AGTPBP1: variants seen among roughly 807,000 people sequenced by gnomAD.
The protein encoded by AGTPBP1 is cytosolic carboxypeptidase 1.
AGTPBP1 carries 70 observed loss-of-function variants against 143.9 expected under a neutral mutation model. The ratio of observed to expected loss-of-function variants is 0.49; its 90% CI spans 0.40 to 0.59. The LOEUF is 0.59. Ranked by LOEUF, AGTPBP1 falls within the 20% of genes least tolerant of loss-of-function variation. AGTPBP1 has a pLI of 0.00. For synonymous variants in AGTPBP1, 463 were observed against 500.2 expected (o/e 0.93, Z 0.99); for missense variants, 1,229 against 1,464.5 (o/e 0.84, Z 2.62).
intron 2 of AGTPBP1, among the ~76,000 whole-genome samples, chr9:85,699,130 A>T (rs971722870): frequency 6.6e-6 from 1 of 152,056 alleles, no homozygotes; most frequent in Non-Finnish European, 1.5e-5. Context: ...TCAAATGCAT[A>T]TTTTTTTAAA....
intron 2 of AGTPBP1, among the ~76,000 whole-genome samples, chr9:85,707,996 G>T (rs147415965): frequency 2.3e-4 from 35 of 152,014 alleles, no homozygotes; most frequent in Non-Finnish European, 3.8e-4. Flanking sequence ...AAACCACCAT[G>T]GCACGTGTAT....
intron 6 of AGTPBP1, among the ~76,000 whole-genome samples, chr9:85,674,335 AT>A (rs1834688714): frequency 6.6e-6 from 1 of 151,984 alleles, no homozygotes; most frequent in East Asian, 1.9e-4. Flanking sequence ...AATAGCCCAA[AT>A]TTAAAAGAAT....
At chr9:85,562,376 A>T (rs1190860427) in intron 25 of AGTPBP1, among the ~76,000 whole-genome samples, 1 of 152,214 alleles carries the variant, frequency 6.6e-6, no homozygotes, top group East Asian at 1.9e-4. Flanking sequence ...TAAAAGACAT[A>T]TTTAAATATA....
At chr9:85,641,221 A>G (rs548428132) in intron 13 of AGTPBP1, among the ~76,000 whole-genome samples, 1 of 152,304 alleles carries the variant, frequency 6.6e-6, no homozygotes, top group Non-Finnish European at 1.5e-5. Flanking sequence ...ATGTACAGAA[A>G]AAGTAGAAGG....
intron 1 of AGTPBP1, among the ~76,000 whole-genome samples, chr9:85,724,266 AAC>A (rs1838322220): frequency 1.3e-5 from 2 of 150,032 alleles, no homozygotes; most frequent in African/African-American, 4.9e-5. Flanking sequence ...CAGCCTGTGC[AAC>A]AGAGTGAGAC....
At chr9:85,779,749 A>G in the AGTPBP1 span, among the ~76,000 whole-genome samples, 1 of 152,104 alleles carries the variant, frequency 6.6e-6, no homozygotes, top group East Asian at 1.9e-4. Context: ...GGTCCCAGCT[A>G]CCCTGGAGGC....
the AGTPBP1 span, among the ~76,000 whole-genome samples, chr9:85,770,933 G>A: frequency 2.0e-5 from 3 of 152,098 alleles, no homozygotes; most frequent in South Asian, 4.1e-4. Flanking sequence ...TGAAGATGAA[G>A]TGGTGTATCA....
intron 3 of AGTPBP1, among the ~76,000 whole-genome samples, chr9:85,684,001 C>T (rs1835346316): frequency 1.3e-5 from 2 of 151,826 alleles, no homozygotes; most frequent in East Asian, 3.9e-4. Flanking sequence ...GAGTTCCCTG[C>T]TCCTACATCA....
chr9:85,626,069 A>T (rs774610121), intron 14 of AGTPBP1, among the ~76,000 whole-genome samples: 3 of 152,080 alleles, frequency 2.0e-5, no homozygotes, highest in Non-Finnish European at 4.4e-5. Context: ...AATGCTAAGC[A>T]TACTAAAATA....
At chr9:85,588,725 T>C (rs767422467) in intron 20 of AGTPBP1, among the ~76,000 whole-genome samples, 2 of 152,184 alleles carry the variant, frequency 1.3e-5, no homozygotes, top group Non-Finnish European at 2.9e-5. Context: ...GATCCACTTA[T>C]TCATTTCCCA....
chr9:85,702,787 A>C (rs1427704857), intron 2 of AGTPBP1, among the ~76,000 whole-genome samples: 1 of 152,094 alleles, frequency 6.6e-6, no homozygotes, highest in East Asian at 1.9e-4. Flanking sequence ...TTTCAAATTA[A>C]TTAGGCCTCA....
chr9:85,764,248 G>A, the AGTPBP1 span, among the ~76,000 whole-genome samples: 2 of 151,800 alleles, frequency 1.3e-5, no homozygotes, highest in African/African-American at 2.4e-5. Flanking sequence ...TGAACACCCC[G>A]GTCGGGTGGG....
chr9:85,623,510 T>C (rs1056285284), intron 14 of AGTPBP1, among the ~76,000 whole-genome samples: 1 of 152,032 alleles, frequency 6.6e-6, no homozygotes, highest in Admixed American at 6.6e-5. Flanking sequence ...ATCTCAGCAC[T>C]CTGGGAGGCC....
At chr9:85,699,342 T>C (rs1049977536) in intron 2 of AGTPBP1, among the ~76,000 whole-genome samples, 1 of 152,188 alleles carries the variant, frequency 6.6e-6, no homozygotes, top group Non-Finnish European at 1.5e-5. Context: ...ATTGGTCTCA[T>C]GCTGCTTTTG....
chr9:85,686,166 T>C (rs1835473508), intron 3 of AGTPBP1, among the ~76,000 whole-genome samples: 1 of 151,838 alleles, frequency 6.6e-6, no homozygotes, highest in African/African-American at 2.4e-5. Context: ...ACTGTCAAAC[T>C]GGATGTTTTT....
At chr9:85,659,223 T>G (rs1833712094) in intron 9 of AGTPBP1, among the ~76,000 whole-genome samples, 1 of 152,156 alleles carries the variant, frequency 6.6e-6, no homozygotes, top group Non-Finnish European at 1.5e-5. Context: ...AAGGGAACTT[T>G]ATTCATGTAT....
chr9:85,738,183 G>A (rs1181734599), intron 1 of AGTPBP1, among the ~76,000 whole-genome samples: 4 of 151,980 alleles, frequency 2.6e-5, no homozygotes, highest in Non-Finnish European at 5.9e-5. Context: ...AGTAAACATA[G>A]ATAAATTCAC....
chr9:85,770,579 G>C, the AGTPBP1 span: 5 of 690,504 alleles, frequency 7.2e-6, no homozygotes, highest in South Asian at 7.9e-5. Context: ...TAAAGAAATT[G>C]AAAGGCTTAA....
intron 1 of AGTPBP1, among the ~76,000 whole-genome samples, chr9:85,723,507 A>T (rs1173558642): frequency 6.6e-6 from 1 of 152,216 alleles, no homozygotes; most frequent in African/African-American, 2.4e-5. Context: ...AGCCAGGCAC[A>T]GGAGGGAATT....
Sources: allele counts gnomAD v4.1 joint callset (sites outside exome capture counted in the v4.1 genomes callset), GRCh38; gene constraint gnomAD v4.1.1; transcripts MANE v1.5; gene names NCBI Gene and HGNC (gene_info 2026-07-23, HGNC 2026-07-21).